ACMSD: variants seen among roughly 807,000 people sequenced by gnomAD.
ACMSD encodes aminocarboxymuconate semialdehyde decarboxylase.
In ACMSD, 37 loss-of-function variants were observed where a neutral mutation model predicts 45.9. The ratio of observed to expected loss-of-function variants is 0.81; its 90% CI spans 0.62 to 1.06. The LOEUF is 1.06. ACMSD is among the 50% of genes least tolerant of loss of function. ACMSD has a pLI of 0.00. For missense variants in ACMSD, 434 were observed against 420.9 expected, an observed-to-expected ratio of 1.03 and a Z score of -0.27; for synonymous variants, 138 against 148.8, an observed-to-expected ratio of 0.93 and a Z score of 0.53.
At chr2:134,847,527 G>A (rs2104820342) in intron 2 of ACMSD, among the ~76,000 whole-genome samples, 1 of 152,210 alleles carries the variant, frequency 6.6e-6, no homozygotes, top group East Asian at 1.9e-4. Context: ...TGTTACATAG[G>A]TATACAAGTG....
At chr2:134,889,927 TAATA>T (rs1689680143) in intron 8 of ACMSD, among the ~76,000 whole-genome samples, 1 of 152,100 alleles carries the variant, frequency 6.6e-6, no homozygotes, top group African/African-American at 2.4e-5. Context: ...ATGAATATAT[TAATA>T]AATAGGTGAA....
chr2:134,839,227 C>T (rs1421143842), intron 1 of ACMSD, among the ~76,000 whole-genome samples: 1 of 152,112 alleles, frequency 6.6e-6, no homozygotes, highest in Non-Finnish European at 1.5e-5. Context: ...TATTTTAGGA[C>T]ACTGCCTGAA....
chr2:134,844,738 C>T (rs1686972762), intron 1 of ACMSD, among the ~76,000 whole-genome samples: 1 of 152,152 alleles, frequency 6.6e-6, no homozygotes, highest in Admixed American at 6.5e-5. Flanking sequence ...AGTGTGAAAG[C>T]AAAGGGATAT....
At chr2:134,885,273 A>G (rs1213781634) in intron 8 of ACMSD, among the ~76,000 whole-genome samples, 1 of 67,338 alleles carries the variant, frequency 1.5e-5, no homozygotes, top group African/African-American at 7.6e-5. Context: ...ATATAAATAT[A>G]TATATTATAT....
intron 8 of ACMSD, among the ~76,000 whole-genome samples, chr2:134,887,295 C>G (rs1407982671): frequency 6.6e-6 from 1 of 152,120 alleles, no homozygotes; most frequent in East Asian, 1.9e-4. Context: ...ATTAACTGAC[C>G]TCAAGGGTTA....
chr2:134,887,390 T>C (rs970112410), intron 8 of ACMSD, among the ~76,000 whole-genome samples: 9 of 152,188 alleles, frequency 5.9e-5, no homozygotes, highest in African/African-American at 1.4e-4. Flanking sequence ...AGAATCCAGA[T>C]ATATATCCAT....
At chr2:134,873,332 G>C (rs142389788) in intron 8 of ACMSD, 9 of 152,278 alleles carry the variant, frequency 5.9e-5, no homozygotes, top group African/African-American at 1.9e-4. Flanking sequence ...CACCCTTTAA[G>C]TATTCTTTAA....
intron 8 of ACMSD, among the ~76,000 whole-genome samples, chr2:134,894,233 A>G (rs1386827059): frequency 1.3e-5 from 2 of 152,202 alleles, no homozygotes; most frequent in Admixed American, 1.3e-4. Context: ...AGACTGACCA[A>G]CAAAAATAAA....
chr2:134,857,445 GAAAT>G (rs34364163), intron 2 of ACMSD, among the ~76,000 whole-genome samples: 1 of 152,030 alleles, frequency 6.6e-6, no homozygotes, highest in East Asian at 1.9e-4. Flanking sequence ...TCTATCTCGA[GAAAT>G]AAATAAATAA....
chr2:134,851,959 A>G (rs1045330512), intron 2 of ACMSD, among the ~76,000 whole-genome samples: 2 of 152,234 alleles, frequency 1.3e-5, no homozygotes, highest in South Asian at 2.1e-4. Context: ...TACTTCTCCT[A>G]TGGTTTTACT....
chr2:134,849,694 T>C (rs1407712378), intron 2 of ACMSD, among the ~76,000 whole-genome samples: 1 of 152,206 alleles, frequency 6.6e-6, no homozygotes, highest in Non-Finnish European at 1.5e-5. Flanking sequence ...GGGTAGTCAT[T>C]TGTCATGGCA....
At chr2:134,885,370 T>A (rs1573705366) in intron 8 of ACMSD, among the ~76,000 whole-genome samples, 2 of 103,686 alleles carry the variant, frequency 1.9e-5, no homozygotes, top group East Asian at 2.7e-4. Flanking sequence ...ACATATATAT[T>A]ATATATAATA....
At chr2:134,864,086 T>C (rs547500477) in intron 5 of ACMSD, among the ~76,000 whole-genome samples, 3 of 151,994 alleles carry the variant, frequency 2.0e-5, no homozygotes, top group Non-Finnish European at 2.9e-5. Context: ...CTGACCAACA[T>C]AGCAAAACCC....
chr2:134,863,317 A>T, intron 4 of ACMSD, 78 bp from the exon 5 acceptor site: 1 of 1,322,352 alleles, frequency 7.6e-7, no homozygotes, highest in Admixed American at 1.7e-5. Context: ...TATAGCCATG[A>T]GGAGGCACTG....
chr2:134,885,267 AAAT>A (rs1689274363), intron 8 of ACMSD, among the ~76,000 whole-genome samples: 2 of 85,686 alleles, frequency 2.3e-5, no homozygotes, highest in African/African-American at 1.0e-4. Context: ...ATATATATAT[AAAT>A]ATATATATTA....
In ACMSD at chr2:134,872,466, C is replaced by T. The variant is rs780764150; in HGVS notation, c.677-3C>T. 1.9e-6 allele frequency: 3 copies of T among 1,614,138 alleles called. No individual in the cohort carries two copies. The highest frequency in any genetic ancestry group is 2.5e-6 in the Non-Finnish European group (3 of 1,180,016). On this transcript the variant is annotated splice_region_variant and splice_polypyrimidine_tract_variant and intron_variant, in intron 7 of 9. Transcript: ENST00000356140. ...GCCCCTCAGTAATGGGTTTTACTTG[C>T]AGGTGGTGCCTTCCCCTTCACAGTG...
At chr2:134,893,562 T>A (rs1689920064) in intron 8 of ACMSD, among the ~76,000 whole-genome samples, 1 of 152,104 alleles carries the variant, frequency 6.6e-6, no homozygotes, top group South Asian at 2.1e-4. Context: ...TTTGTAGGCA[T>A]TTTCCCCCTG....
intron 5 of ACMSD, among the ~76,000 whole-genome samples, chr2:134,866,708 T>C (rs1688114801): frequency 6.6e-6 from 1 of 152,224 alleles, no homozygotes; most frequent in Non-Finnish European, 1.5e-5. Flanking sequence ...TGAGGAATTA[T>C]TCTAAGGGAA....
At chr2:134,888,135 CTT>C (rs1055860621) in intron 8 of ACMSD, among the ~76,000 whole-genome samples, 36 of 152,212 alleles carry the variant, frequency 2.4e-4, no homozygotes, top group Admixed American at 2.1e-3. Flanking sequence ...TGACAAAGGA[CTT>C]ATATCCAAAA....
Sources: gnomAD v4.1 joint callset for allele counts (sites outside exome capture counted in the v4.1 genomes callset) on GRCh38, gnomAD v4.1.1 for gene constraint, MANE v1.5 for transcripts, NCBI Gene and HGNC (gene_info 2026-07-23, HGNC 2026-07-21) for gene names.